Variants in NRXN3 observed in about 807,000 individuals in gnomAD.
The protein encoded by NRXN3 is neurexin III.
NRXN3 carries 32 observed loss-of-function variants against 137.6 expected under a neutral mutation model. That is an observed-to-expected ratio of 0.23 (90% CI 0.18 to 0.31). The LOEUF is 0.31. Ranked by LOEUF, NRXN3 falls within the 10% of genes least tolerant of loss-of-function variation. The pLI, the probability that NRXN3 is intolerant of heterozygous loss-of-function variation, is 1.00. For synonymous variants in NRXN3, 798 were observed against 784.5 expected (o/e 1.02, Z -0.29); for missense variants, 1,574 against 2,062.5 (o/e 0.76, Z 4.59).
At chr14:78,987,019 C>CA (rs36081362) in intron 14 of NRXN3, among the ~76,000 whole-genome samples, 2,858 of 53,584 alleles carry the variant, frequency 0.053, 322 homozygotes, top group East Asian at 0.42. Context: ...GAGACTGTCT[C>CA]AAAAAAAAAA....
chr14:79,118,472 CT>C (rs1263103404), intron 15 of NRXN3, among the ~76,000 whole-genome samples: 2 of 152,052 alleles, frequency 1.3e-5, no homozygotes, highest in East Asian at 1.9e-4. Flanking sequence ...CCTCAGAGCA[CT>C]TTTTTTTCTT....
intron 9 of NRXN3, among the ~76,000 whole-genome samples, chr14:78,804,593 A>G (rs904054192): frequency 6.6e-6 from 1 of 152,190 alleles, no homozygotes; most frequent in Non-Finnish European, 1.5e-5. Context: ...GAGTTGAAAA[A>G]TTATGACTTC....
intron 4 of NRXN3, among the ~76,000 whole-genome samples, chr14:78,575,344 C>T (rs555886481): frequency 2.0e-5 from 3 of 152,218 alleles, no homozygotes; most frequent in African/African-American, 4.8e-5. Flanking sequence ...TGCAGGTTTT[C>T]AGGAGAAAAT....
At chr14:78,868,440 C>T (rs969000253) in intron 10 of NRXN3, among the ~76,000 whole-genome samples, 3 of 152,058 alleles carry the variant, frequency 2.0e-5, no homozygotes, top group Non-Finnish European at 4.4e-5. Flanking sequence ...AGTAACAAAA[C>T]ATAAAAATTG....
chr14:78,264,333 C>T (rs879938230), intron 2 of NRXN3, among the ~76,000 whole-genome samples: 1 of 152,158 alleles, frequency 6.6e-6, no homozygotes, highest in Non-Finnish European at 1.5e-5. Context: ...GAAATGGCAG[C>T]TGGGGCCACA....
chr14:79,740,712 TTATA>T (rs869216055), intron 19 of NRXN3, among the ~76,000 whole-genome samples: 129 of 15,900 alleles, frequency 8.1e-3, no homozygotes, highest in Admixed American at 0.014. Context: ...ATTTAGTTTT[TTATA>T]TATATATATA....
intron 15 of NRXN3, among the ~76,000 whole-genome samples, chr14:79,268,169 T>C (rs2153420929): frequency 6.6e-6 from 1 of 152,228 alleles, no homozygotes; most frequent in South Asian, 2.1e-4. Context: ...TTTTAGTGGG[T>C]TTTTTAAATC....
chr14:79,815,418 CTGTGGTTTTCTGA>C (rs2099248678), intron 20 of NRXN3, among the ~76,000 whole-genome samples: 1 of 152,028 alleles, frequency 6.6e-6, no homozygotes, highest in African/African-American at 2.4e-5. Context: ...ATATCCAGAC[CTGTGGTTTTCTGA>C]TGAGATCTTT....
chr14:79,130,679 G>A (rs1226551253), intron 15 of NRXN3, among the ~76,000 whole-genome samples: 1 of 152,138 alleles, frequency 6.6e-6, no homozygotes, highest in Non-Finnish European at 1.5e-5. Context: ...TTCTCGAGGA[G>A]TACCTTTGTG....
At chr14:79,137,039 A>G (rs1368021457) in intron 15 of NRXN3, among the ~76,000 whole-genome samples, 2 of 152,244 alleles carry the variant, frequency 1.3e-5, no homozygotes, top group Non-Finnish European at 2.9e-5. Context: ...TTTGAGGACC[A>G]TGAAATTCTA....
chr14:79,426,363 T>C (rs559721799), intron 15 of NRXN3, among the ~76,000 whole-genome samples: 1 of 152,270 alleles, frequency 6.6e-6, no homozygotes, highest in South Asian at 2.1e-4. Flanking sequence ...CTCAGGAGAC[T>C]GTAGAGAAAT....
At chr14:79,657,360 C>G (rs1424840) in intron 16 of NRXN3, among the ~76,000 whole-genome samples, 16,691 of 152,196 alleles carry the variant, frequency 0.11, 1,010 homozygotes, top group Middle Eastern at 0.24. Flanking sequence ...AGCCACACTT[C>G]AGCTTCTCAA....
intron 15 of NRXN3, among the ~76,000 whole-genome samples, chr14:79,319,653 T>G (rs1457583563): frequency 6.6e-6 from 1 of 152,224 alleles, no homozygotes; most frequent in Non-Finnish European, 1.5e-5. Context: ...ACTGGTGATA[T>G]AGAGCCTTTC....
At chr14:79,819,930 T>C (rs1351854868) in intron 20 of NRXN3, among the ~76,000 whole-genome samples, 1 of 152,098 alleles carries the variant, frequency 6.6e-6, no homozygotes, top group Non-Finnish European at 1.5e-5. Flanking sequence ...GTCTTGCCCT[T>C]CGCTTTGCCA....
intron 4 of NRXN3, among the ~76,000 whole-genome samples, chr14:78,593,633 G>A (rs927949407): frequency 1.1e-4 from 16 of 152,096 alleles, no homozygotes; most frequent in Admixed American, 3.9e-4. Flanking sequence ...TCACTCTTCT[G>A]TTTTGTCAGT....
intron 19 of NRXN3, among the ~76,000 whole-genome samples, chr14:79,777,165 C>T (rs1159058320): frequency 6.6e-6 from 1 of 152,158 alleles, no homozygotes; most frequent in Non-Finnish European, 1.5e-5. Context: ...TTGTTAGCCT[C>T]TTATGAACTC....
intron 19 of NRXN3, among the ~76,000 whole-genome samples, chr14:79,740,743 T>TAG (rs2098959877): frequency 2.1e-5 from 1 of 48,262 alleles, no homozygotes; most frequent in Non-Finnish European, 4.5e-5. Context: ...TATATATATA[T>TAG]ATATATATAT....
chr14:79,739,203 C>G (rs2098952202), intron 19 of NRXN3, among the ~76,000 whole-genome samples: 3 of 151,918 alleles, frequency 2.0e-5, no homozygotes, highest in African/African-American at 7.3e-5. Flanking sequence ...GACAAAGAGA[C>G]AGAATAGAAA....
At chr14:79,117,970 G>A (rs541114168) in intron 15 of NRXN3, among the ~76,000 whole-genome samples, 1 of 152,352 alleles carries the variant, frequency 6.6e-6, no homozygotes, top group Admixed American at 6.5e-5. Context: ...AGTAGTGATA[G>A]CAGTGAATAA....
Sources: allele counts gnomAD v4.1 joint callset (sites outside exome capture counted in the v4.1 genomes callset), GRCh38; gene constraint gnomAD v4.1.1; transcripts MANE v1.5; gene names NCBI Gene and HGNC (gene_info 2026-07-23, HGNC 2026-07-21).